Variants in QTMAN observed in about 807,000 individuals in gnomAD.
The protein encoded by QTMAN is tRNA-queuosine alpha-mannosyltransferase.
At chr2:144,189,688 C>T in the QTMAN span, among the ~76,000 whole-genome samples, 64 of 152,040 alleles carry the variant, frequency 4.2e-4, no homozygotes, top group East Asian at 4.1e-3. Flanking sequence ...GGTGCGATCT[C>T]GGCTCCCTGC....
chr2:144,155,077 G>A, the QTMAN span, among the ~76,000 whole-genome samples: 1 of 152,124 alleles, frequency 6.6e-6, no homozygotes, highest in Non-Finnish European at 1.5e-5. Flanking sequence ...CATTCCCCAT[G>A]CCCCATGGAT....
the QTMAN span, chr2:144,007,241 G>A: frequency 6.2e-7 from 1 of 1,612,364 alleles, no homozygotes; most frequent in Admixed American, 1.7e-5. Flanking sequence ...CACCCAAAAT[G>A]TCACAGGGAT....
At chr2:144,049,265 C>T in the QTMAN span, among the ~76,000 whole-genome samples, 44 of 152,250 alleles carry the variant, frequency 2.9e-4, no homozygotes, top group South Asian at 3.5e-3. Flanking sequence ...CAGCATTACA[C>T]GTTTTGTTTA....
chr2:144,006,391 C>T, the QTMAN span: 1 of 152,056 alleles, frequency 6.6e-6, no homozygotes, highest in Non-Finnish European at 1.5e-5. Flanking sequence ...CTCAGAAAAT[C>T]GGACCTAATG....
the QTMAN span, among the ~76,000 whole-genome samples, chr2:144,149,073 C>G: frequency 2.0e-5 from 3 of 151,928 alleles, no homozygotes; most frequent in African/African-American, 7.2e-5. Context: ...AATTTTTACT[C>G]TGCTCCCTAC....
chr2:144,153,061 A>T, the QTMAN span, among the ~76,000 whole-genome samples: 1 of 152,176 alleles, frequency 6.6e-6, no homozygotes, highest in Non-Finnish European at 1.5e-5. Flanking sequence ...TAAAAGGATC[A>T]GTGCTATTTG....
the QTMAN span, chr2:144,007,626 T>C: frequency 4.1e-6 from 3 of 725,838 alleles, no homozygotes; most frequent in Middle Eastern, 2.6e-4. Flanking sequence ...AATGATTATA[T>C]ATAAAACTGA....
chr2:144,242,245 G>A, the QTMAN span, among the ~76,000 whole-genome samples: 1 of 151,928 alleles, frequency 6.6e-6, no homozygotes, highest in African/African-American at 2.4e-5. Flanking sequence ...ATAGTAAAGA[G>A]ATAAAGTTAA....
the QTMAN span, among the ~76,000 whole-genome samples, chr2:144,129,116 A>G: frequency 6.6e-6 from 1 of 151,912 alleles, no homozygotes; most frequent in African/African-American, 2.4e-5. Context: ...ATAAGTTTTG[A>G]TATTATAAAA....
chr2:144,023,208 CT>C, the QTMAN span, among the ~76,000 whole-genome samples: 1 of 151,928 alleles, frequency 6.6e-6, no homozygotes, highest in Non-Finnish European at 1.5e-5. Context: ...GACAAGTTCA[CT>C]TTTAGGCATT....
At chr2:144,172,280 T>C in the QTMAN span, among the ~76,000 whole-genome samples, 3 of 152,056 alleles carry the variant, frequency 2.0e-5, no homozygotes, top group Non-Finnish European at 4.4e-5. Context: ...TATTTTAACA[T>C]ACTACTCTCA....
chr2:143,961,851 T>C, the QTMAN span, among the ~76,000 whole-genome samples: 92 of 152,140 alleles, frequency 6.0e-4, 1 homozygote, highest in African/African-American at 1.7e-3. Flanking sequence ...ACAGGACACA[T>C]TGAGGAATGA....
the QTMAN span, among the ~76,000 whole-genome samples, chr2:144,321,131 C>T: frequency 2.0e-5 from 3 of 152,152 alleles, no homozygotes; most frequent in Non-Finnish European, 2.9e-5. Flanking sequence ...CCAGAATATC[C>T]GTTTTTTCCC....
chr2:144,309,752 A>G, the QTMAN span, among the ~76,000 whole-genome samples: 1 of 152,350 alleles, frequency 6.6e-6, no homozygotes, highest in Non-Finnish European at 1.5e-5. Flanking sequence ...CTATATGCAA[A>G]TTATACCAAT....
chr2:144,143,946 C>G, the QTMAN span, among the ~76,000 whole-genome samples: 1 of 151,904 alleles, frequency 6.6e-6, no homozygotes, highest in East Asian at 1.9e-4. Context: ...AGGAGTCATA[C>G]TTTTCAAAGA....
At chr2:144,277,654 ATT>A in the QTMAN span, among the ~76,000 whole-genome samples, 16 of 150,988 alleles carry the variant, frequency 1.1e-4, no homozygotes, top group East Asian at 3.1e-3. Flanking sequence ...CACCTACAAA[ATT>A]TTTTTTTTCT....
chr2:144,167,878 A>G, the QTMAN span, among the ~76,000 whole-genome samples: 6 of 152,024 alleles, frequency 3.9e-5, no homozygotes, highest in African/African-American at 1.4e-4. Context: ...AGTCATGCAA[A>G]TTTTTACTAT....
At chr2:144,169,358 C>G in the QTMAN span, among the ~76,000 whole-genome samples, 1 of 152,142 alleles carries the variant, frequency 6.6e-6, no homozygotes, top group African/African-American at 2.4e-5. Context: ...ATAATATACA[C>G]AACTTCAACA....
At chr2:144,236,052 A>G in the QTMAN span, among the ~76,000 whole-genome samples, 1 of 151,806 alleles carries the variant, frequency 6.6e-6, no homozygotes, top group East Asian at 1.9e-4. Flanking sequence ...GAATCTATGC[A>G]CTCCTGAATG....
Sources: gnomAD v4.1 joint callset for allele counts (sites outside exome capture counted in the v4.1 genomes callset) on GRCh38, gnomAD v4.1.1 for gene constraint, MANE v1.5 for transcripts, NCBI Gene and HGNC (gene_info 2026-07-23, HGNC 2026-07-21) for gene names.